Variants in PTPN4 observed in about 807,000 individuals in gnomAD.
The protein encoded by PTPN4 is protein tyrosine phosphatase non-receptor type 4, also known as tyrosine-protein phosphatase non-receptor type 4.
A neutral mutation model predicts 135.5 loss-of-function variants in PTPN4; 49 were observed. The observed-to-expected ratio is 0.36, with a 90% confidence interval of 0.29 to 0.46. The LOEUF (loss-of-function observed/expected upper bound fraction) is 0.46. PTPN4 is among the 20% of genes least tolerant of loss of function. PTPN4 has a pLI of 1.00. For synonymous variants in PTPN4, 333 were observed against 369.9 expected (o/e 0.90, Z 1.14); for missense variants, 860 against 1,101.0 (o/e 0.78, Z 3.10).
chr2:119,813,325 G>A (rs1217389168), intron 2 of PTPN4, among the ~76,000 whole-genome samples: 9 of 151,194 alleles, frequency 6.0e-5, no homozygotes, highest in Admixed American at 1.3e-4. Flanking sequence ...TCGGCTCACC[G>A]CAACCTCCGT....
chr2:119,885,705 T>C (rs1402477214), intron 8 of PTPN4, 90 bp from the exon 9 acceptor site: 1 of 857,418 alleles, frequency 1.2e-6, no homozygotes, highest in Non-Finnish European at 1.7e-6. Context: ...GACTGCTCAG[T>C]TTTTTCAGAT....
chr2:119,902,067 A>G (rs1456361898), intron 10 of PTPN4, among the ~76,000 whole-genome samples: 1 of 152,266 alleles, frequency 6.6e-6, no homozygotes, highest in Non-Finnish European at 1.5e-5. Context: ...ACCGAATCAC[A>G]GATGCAGAAA....
chr2:119,917,616 G>A lies in PTPN4; in HGVS notation c.828+2374G>A, dbSNP rs370662243. Among the ~76,000 whole-genome samples, 5 of 152,080 alleles carry A rather than the reference G, an allele frequency of 3.3e-5. No individual in the cohort carries two copies. The East Asian group carries it at 5.8e-4, about 18-fold the overall frequency. ...GTGGTGGCACACACCTGTATTTCCC[G>A]TTGCTTGGGAGGCTAAGGCACAAGA... On this transcript the variant is annotated intron_variant, in intron 11 of 26. Transcript: ENST00000263708.
chr2:119,766,453 T>C (rs11896664), intron 1 of PTPN4, among the ~76,000 whole-genome samples: 93,603 of 125,680 alleles, frequency 0.74, 31,540 homozygotes, highest in South Asian at 0.77. Flanking sequence ...TGCGCGCGTG[T>C]GTGTGTGTGT....
At chr2:119,967,157 A>T (rs1310659225) in intron 25 of PTPN4, among the ~76,000 whole-genome samples, 1 of 152,228 alleles carries the variant, frequency 6.6e-6, no homozygotes, top group Non-Finnish European at 1.5e-5. Flanking sequence ...AGTTTAATTT[A>T]AAATCAGACC....
intron 26 of PTPN4, among the ~76,000 whole-genome samples, chr2:119,973,655 GTTTTTTTTTTTTT>G (rs70949378): frequency 2.0e-3 from 75 of 38,398 alleles, no homozygotes; most frequent in African/African-American, 8.7e-3. Context: ...TTCATTTCTT[GTTTTTTTTTTTTT>G]TTTTTTTTTT....
chr2:119,927,484 T>A (rs1678843365), intron 13 of PTPN4, among the ~76,000 whole-genome samples: 1 of 152,082 alleles, frequency 6.6e-6, no homozygotes, highest in Admixed American at 6.5e-5. Flanking sequence ...TTATGAGCAA[T>A]GATAGAGAAT....
At chr2:119,975,806 G>T (rs1451007872) in intron 26 of PTPN4, among the ~76,000 whole-genome samples, 1 of 151,774 alleles carries the variant, frequency 6.6e-6, no homozygotes, top group Non-Finnish European at 1.5e-5. Context: ...TTATGATATT[G>T]TCAATGCTTA....
At chr2:119,846,665 T>C (rs1302987384) in intron 2 of PTPN4, among the ~76,000 whole-genome samples, 2 of 152,064 alleles carry the variant, frequency 1.3e-5, no homozygotes, top group African/African-American at 4.8e-5. Flanking sequence ...ACTTTTTGCT[T>C]TTTTTGTTTC....
rs184279323 is a variant in PTPN4 at position 119,807,660 on chromosome 2, G to A, written c.-17-2177G>A. Among the ~76,000 whole-genome samples, 1,128 of 152,264 alleles carry A rather than the reference G, an allele frequency of 7.4e-3. 13 individuals carry two copies. Among genetic ancestry groups the A allele is most frequent in the African/African-American group, 0.026 (1,064 of 41,544 alleles). On this transcript the variant is annotated intron_variant, in intron 1 of 26. Transcript: ENST00000263708. Reference sequence around the variant, plus strand: ...CTACAAGAGTTACAAAGCGGAGCTCGTACCATTCCTTCTGAAACTATTCCA... The same window carrying A: ...CTACAAGAGTTACAAAGCGGAGCTCATACCATTCCTTCTGAAACTATTCCA...
chr2:119,862,463 C>T, intron 2 of PTPN4, 73 bp from the exon 3 acceptor site: 16 of 1,394,618 alleles, frequency 1.1e-5, no homozygotes, highest in Non-Finnish European at 1.6e-5. Flanking sequence ...GGACAAAAGT[C>T]AACCAGGTTA....
intron 1 of PTPN4, among the ~76,000 whole-genome samples, chr2:119,782,711 C>A (rs1252689557): frequency 1.5e-5 from 2 of 134,030 alleles, no homozygotes; most frequent in African/African-American, 5.5e-5. Context: ...CCCCCCCACC[C>A]CCCTTTTTTT....
At position 119,946,444 on chromosome 2, in the gene PTPN4, A is replaced by G. The variant is rs760020962; in HGVS notation, c.1599+20A>G. ...GTAAAGGTAATCTGGAATTTATTTT[A>G]TACTCAGTTTTTAAATTAAGATGTT... is the stretch of plus-strand genomic sequence containing the variant. On this transcript the variant is annotated intron_variant, in intron 17 of 26. Coordinates refer to ENST00000263708, the MANE Select transcript of PTPN4 (RefSeq NM_002830.4). 62 of 1,595,706 alleles carry G rather than the reference A, an allele frequency of 3.9e-5. No individual in the cohort carries two copies. The highest frequency in any genetic ancestry group is 5.1e-5 in the Non-Finnish European group (59 of 1,168,162).
intron 26 of PTPN4, among the ~76,000 whole-genome samples, chr2:119,973,636 G>T (rs1679567608): frequency 1.8e-5 from 2 of 109,230 alleles, no homozygotes; most frequent in African/African-American, 4.0e-5. Flanking sequence ...TTAATTGAAA[G>T]CTTCCTCCTT....
rs2104911501 is a variant in PTPN4 at position 119,760,107 on chromosome 2, T to C, written c.-295T>C. On this transcript the variant is annotated 5_prime_UTR_variant, in exon 1 of 27. Transcript: ENST00000263708. ...GCCAGGCCCCCTCCCCCACGCACTT[T>C]TGGGGGTGTGGATTATCTCATCCCT... is the stretch of plus-strand genomic sequence containing the variant. The C allele has an allele frequency of 2.6e-6, 1 of 387,070 alleles. No individual in the cohort carries two copies. The highest frequency in any genetic ancestry group is 3.7e-5 in the East Asian group (1 of 27,112). The allele number at this position is 387,070 out of a possible 1,614,324, so 24.0% of individuals were successfully genotyped here.
At chr2:119,849,149 A>C (rs1000217235) in intron 2 of PTPN4, among the ~76,000 whole-genome samples, 4 of 152,120 alleles carry the variant, frequency 2.6e-5, no homozygotes, top group African/African-American at 9.7e-5. Flanking sequence ...TTCTGTGGAT[A>C]TATTTATAAT....
At chr2:119,842,694 C>G (rs1677399234) in intron 2 of PTPN4, among the ~76,000 whole-genome samples, 1 of 152,058 alleles carries the variant, frequency 6.6e-6, no homozygotes, top group South Asian at 2.1e-4. Context: ...CAGGATGTTA[C>G]AAATATAGTA....
chr2:119,915,327 C>T (rs1421880816), intron 11 of PTPN4, 85 bp downstream of exon 11: 10 of 1,135,974 alleles, frequency 8.8e-6, no homozygotes, highest in Non-Finnish European at 1.1e-5. Flanking sequence ...ATTATTAGTA[C>T]AAGTGAAAGT....
intron 10 of PTPN4, among the ~76,000 whole-genome samples, chr2:119,913,610 C>T (rs1490332462): frequency 2.0e-5 from 3 of 152,028 alleles, no homozygotes; most frequent in Non-Finnish European, 2.9e-5. Flanking sequence ...GGCAACATAG[C>T]GAAACCATGT....
Sources: gnomAD v4.1 joint callset for allele counts (sites outside exome capture counted in the v4.1 genomes callset) on GRCh38, gnomAD v4.1.1 for gene constraint, MANE v1.5 for transcripts, NCBI Gene and HGNC (gene_info 2026-07-23, HGNC 2026-07-21) for gene names.